C8orf89: variants seen among roughly 807,000 people sequenced by gnomAD.
C8orf89 encodes the protein putative uncharacterized protein C8orf89.
C8orf89 carries 14 observed loss-of-function variants against 15.8 expected under a neutral mutation model. The ratio of observed to expected loss-of-function variants is 0.89; its 90% confidence interval spans 0.59 to 1.39. The LOEUF (loss-of-function observed/expected upper bound fraction) is 1.39, where lower values mean the gene tolerates loss of function less well. Ranked by LOEUF, C8orf89 falls within the 40% of genes most tolerant of loss-of-function variation. The probability of loss-of-function intolerance (pLI) is 0.00; values close to 1 mark genes in which losing one functional copy is unlikely to be tolerated. For synonymous variants in C8orf89, 55 were observed against 62.2 expected (o/e 0.88, Z 0.54); for missense variants, 181 against 184.5 (o/e 0.98, Z 0.11).
At chr8:73,270,275 G>A in the C8orf89 span, among the ~76,000 whole-genome samples, 13 of 152,260 alleles carry the variant, frequency 8.5e-5, no homozygotes, top group South Asian at 8.3e-4. Flanking sequence ...AGTGAAAGTC[G>A]TTGAAAATTT....
chr8:73,283,882 A>G, the C8orf89 span, among the ~76,000 whole-genome samples: 1 of 152,062 alleles, frequency 6.6e-6, no homozygotes, highest in African/African-American at 2.4e-5. Flanking sequence ...TCTATTAAAA[A>G]TACAAAAAAA....
chr8:73,283,931 T>A, the C8orf89 span, among the ~76,000 whole-genome samples: 1 of 151,602 alleles, frequency 6.6e-6, no homozygotes, highest in East Asian at 2.0e-4. Context: ...TAATCCCAGC[T>A]ACTTGGGAGG....
chr8:73,255,251 T>A (rs979439388), intron 2 of C8orf89, among the ~76,000 whole-genome samples: 3 of 152,004 alleles, frequency 2.0e-5, no homozygotes, highest in Non-Finnish European at 4.4e-5. Context: ...GAATCTACAA[T>A]TAACTCAAAC....
At chr8:73,246,121 A>T (rs1165155445) in intron 3 of C8orf89, among the ~76,000 whole-genome samples, 1 of 152,224 alleles carries the variant, frequency 6.6e-6, no homozygotes, top group Non-Finnish European at 1.5e-5. Flanking sequence ...CAAATAATAA[A>T]TCATTTCTAA....
the C8orf89 span, among the ~76,000 whole-genome samples, chr8:73,268,276 G>A: frequency 3.3e-5 from 5 of 152,020 alleles, no homozygotes; most frequent in African/African-American, 4.8e-5. Flanking sequence ...TCAGGAGTTC[G>A]AGACCAGCCT....
intron 2 of C8orf89, among the ~76,000 whole-genome samples, chr8:73,254,185 G>A (rs1379020641): frequency 1.3e-5 from 2 of 152,252 alleles, no homozygotes; most frequent in African/African-American, 4.8e-5. Context: ...CATCTATTGA[G>A]ATAATCATGT....
At chr8:73,271,498 G>A in the C8orf89 span, among the ~76,000 whole-genome samples, 1 of 152,150 alleles carries the variant, frequency 6.6e-6, no homozygotes, top group Admixed American at 6.5e-5. Context: ...CTTCCCCTTA[G>A]ACTTTCTCTG....
chr8:73,278,700 C>T, the C8orf89 span, among the ~76,000 whole-genome samples: 4 of 152,188 alleles, frequency 2.6e-5, no homozygotes, highest in South Asian at 8.3e-4. Context: ...CTGATTCCAA[C>T]TTCCAAATTT....
chr8:73,275,004 G>A, the C8orf89 span, among the ~76,000 whole-genome samples: 3 of 152,164 alleles, frequency 2.0e-5, no homozygotes, highest in Admixed American at 6.5e-5. Context: ...CAATATGACA[G>A]TTAATATCTT....
At chr8:73,265,888 C>T in the C8orf89 span, among the ~76,000 whole-genome samples, 1 of 152,186 alleles carries the variant, frequency 6.6e-6, no homozygotes, top group African/African-American at 2.4e-5. Flanking sequence ...TGGATGCCAA[C>T]ATGGACACCC....
Position 73,259,445 on chromosome 8 carries a change from G to C in C8orf89, c.14C>G (p.Ser5Cys), listed in dbSNP as rs1383826512. 1 of 1,529,960 alleles carries C rather than the reference G, an allele frequency of 6.5e-7. No individual in the cohort carries two copies. Among genetic ancestry groups the C allele is most frequent in the Non-Finnish European group, 8.7e-7 (1 of 1,144,630 alleles). 94.8% of individuals were successfully genotyped at this position (1,529,960 alleles called of 1,614,324 possible). A position where few individuals can be genotyped will look rare whatever the true frequency, so the allele number is the denominator to read the frequency against. ...AGAAGTCTCACATTTGATTTCAGGA[G>C]ATAGCACTGACATTTTTTCTTCTTT... is the stretch of plus-strand genomic sequence containing the variant. Reference protein sequence around the residue: MSVLSPEIKCETSKF... With the variant: MSVLCPEIKCETSKF... The change falls in exon 1 of 4, where the codon TCT becomes TGT. Residue 5 changes from serine to cysteine, a missense_variant. By Grantham distance (112) the Ser-to-Cys change is moderately radical. Transcript: ENST00000624510.
At chr8:73,262,463 A>G (rs1470055560), upstream of C8orf89, among the ~76,000 whole-genome samples, 2 of 152,092 alleles carry the variant, frequency 1.3e-5, no homozygotes, top group Non-Finnish European at 2.9e-5. Flanking sequence ...TCATTATACT[A>G]TTGTTATCCT....
chr8:73,272,599 C>A, the C8orf89 span, among the ~76,000 whole-genome samples: 1 of 151,470 alleles, frequency 6.6e-6, no homozygotes, highest in Non-Finnish European at 1.5e-5. Flanking sequence ...TGCTATCCCT[C>A]CCCCCTCTCC....
At chr8:73,257,972 A>C (rs918584724) in intron 1 of C8orf89, among the ~76,000 whole-genome samples, 1 of 152,022 alleles carries the variant, frequency 6.6e-6, no homozygotes, top group Non-Finnish European at 1.5e-5. Context: ...TTTTTTCATC[A>C]ATTAGATTTG....
chr8:73,248,164 C>T (rs553673707), intron 3 of C8orf89, among the ~76,000 whole-genome samples: 111 of 152,254 alleles, frequency 7.3e-4, no homozygotes, highest in African/African-American at 2.4e-3. Flanking sequence ...ATATGGCTAG[C>T]CAGTTAGCCC....
chr8:73,273,816 G>T, the C8orf89 span, among the ~76,000 whole-genome samples: 2 of 150,676 alleles, frequency 1.3e-5, no homozygotes, highest in Non-Finnish European at 3.0e-5. Flanking sequence ...TACATAAGAT[G>T]GTCTTCTTAA....
At chr8:73,272,644 C>T in the C8orf89 span, among the ~76,000 whole-genome samples, 3 of 151,988 alleles carry the variant, frequency 2.0e-5, no homozygotes, top group Non-Finnish European at 2.9e-5. Context: ...GTGATGTTCC[C>T]CTTCCTGTGT....
chr8:73,266,538 G>A, the C8orf89 span, among the ~76,000 whole-genome samples: 5 of 152,274 alleles, frequency 3.3e-5, no homozygotes, highest in Admixed American at 2.0e-4. Context: ...CTCCCTGAAC[G>A]TACAGGATCT....
At chr8:73,254,499 C>T (rs189882735) in intron 2 of C8orf89, among the ~76,000 whole-genome samples, 1 of 152,292 alleles carries the variant, frequency 6.6e-6, no homozygotes. Flanking sequence ...GGGAATGAGG[C>T]CTCCTCTATT....
Sources: allele counts gnomAD v4.1 joint callset (sites outside exome capture counted in the v4.1 genomes callset), GRCh38; gene constraint gnomAD v4.1.1; transcripts MANE v1.5; gene names NCBI Gene and HGNC (gene_info 2026-07-23, HGNC 2026-07-21).